Variants in MRRF observed in about 807,000 individuals in gnomAD.
MRRF encodes the protein ribosome-recycling factor, mitochondrial.
Under a neutral mutation model 25.1 loss-of-function variants are expected in MRRF, and 18 were observed. The observed-to-expected ratio is 0.72, with a 90% CI of 0.50 to 1.06. The LOEUF is 1.06. MRRF is among the 50% of genes least tolerant of loss of function. The pLI is 0.00. For missense variants in MRRF, 323 were observed against 319.3 expected (o/e 1.01, Z -0.09); for synonymous variants, 113 against 112.1 (o/e 1.01, Z -0.05).
intron 2 of MRRF, among the ~76,000 whole-genome samples, chr9:122,275,467 T>C (rs1315026351): frequency 2.0e-5 from 3 of 151,918 alleles, no homozygotes; most frequent in Non-Finnish European, 4.4e-5. Context: ...ACCTCTTCTC[T>C]ACAAAAAAAA....
chr9:122,285,398 C>T (rs1833334195), intron 4 of MRRF, 111 bp downstream of exon 4: 2 of 807,124 alleles, frequency 2.5e-6, no homozygotes, highest in East Asian at 4.9e-5. Context: ...AGAGAGAAGA[C>T]ATAATAAAGA....
At position 122,280,574 on chromosome 9, in the gene MRRF, A is replaced by T. The variant is rs2118686703; in HGVS notation, c.316A>T (p.Thr106Ser). 2 of 1,613,862 alleles carry T rather than the reference A, an allele frequency of 1.2e-6. No individual in the cohort carries two copies. Among genetic ancestry groups the T allele is most frequent in the East Asian group, 4.5e-5 (2 of 44,860 alleles). Residue 106 changes from threonine to serine, a missense_variant, in exon 3 of 7, where the codon ACT becomes TCT. Transcript: ENST00000344641. Reference protein sequence around the residue: ...IEALKDNFNKTLNIRTSPGSL... With the variant: ...IEALKDNFNKSLNIRTSPGSL... ...AGCTCTCAAGGATAATTTCAATAAG[A>T]CTCTCAATATAAGGACCTCACCAGG...
rs1383227710 is a variant in MRRF at position 122,325,165 on chromosome 9, A to G, written c.*2548A>G. Reference sequence around the variant, plus strand: ...GTAGTCTTTAAATAAACAAAAACTTATTTGGTGAACAGACAGGGAGGAAAA... The same window carrying G: ...GTAGTCTTTAAATAAACAAAAACTTGTTTGGTGAACAGACAGGGAGGAAAA... On this transcript the variant is annotated 3_prime_UTR_variant, in exon 7 of 7. Transcript: ENST00000344641. 4 of 152,196 alleles carry G rather than the reference A, an allele frequency of 2.6e-5. No homozygotes were observed. Among genetic ancestry groups the G allele is most frequent in the African/African-American group, 4.8e-5 (2 of 41,444 alleles). The allele number at this position is 152,196 out of a possible 1,614,324, so 9.4% of individuals were successfully genotyped here.
intron 5 of MRRF, among the ~76,000 whole-genome samples, chr9:122,299,207 A>C (rs1834281511): frequency 2.0e-5 from 3 of 151,654 alleles, no homozygotes. Context: ...CCTGGTCAAC[A>C]TGGTGAAACC....
chr9:122,327,244 G>C lies in MRRF; in HGVS notation c.*4627G>C, dbSNP rs1436245735. On this transcript the variant is annotated 3_prime_UTR_variant, in exon 7 of 7. Coordinates refer to ENST00000344641, the MANE Select transcript of MRRF (RefSeq NM_138777.5). ...AGAGAGCAAGCAAAATGTTCACCAA[G>C]CAGTGAATAATGATAATAATAACAA... 1 of 152,148 alleles carries C rather than the reference G, an allele frequency of 6.6e-6. No homozygotes were observed. The highest frequency in any genetic ancestry group is 1.9e-4 in the East Asian group (1 of 5,204). The allele number at this position is 152,148 out of a possible 1,614,324, so 9.4% of individuals were successfully genotyped here.
At chr9:122,302,921 C>T (rs73557031) in intron 5 of MRRF, among the ~76,000 whole-genome samples, 4,193 of 152,174 alleles carry the variant, frequency 0.028, 174 homozygotes, top group African/African-American at 0.09. Flanking sequence ...TATCTTATTA[C>T]GGTTTTGATT....
chr9:122,287,484 C>T (rs768418720), intron 4 of MRRF, among the ~76,000 whole-genome samples: 2 of 152,196 alleles, frequency 1.3e-5, no homozygotes, highest in Admixed American at 6.5e-5. Flanking sequence ...CATCTAATCC[C>T]GTAGGCACTG....
intron 4 of MRRF, among the ~76,000 whole-genome samples, chr9:122,288,128 G>A (rs1478555058): frequency 1.3e-5 from 2 of 152,018 alleles, no homozygotes; most frequent in Non-Finnish European, 2.9e-5. Flanking sequence ...CTTGATAAAT[G>A]ATACACATAG....
At chr9:122,320,711 AC>A in intron 6 of MRRF, among the ~76,000 whole-genome samples, 1 of 152,018 alleles carries the variant, frequency 6.6e-6, no homozygotes, top group East Asian at 1.9e-4. Context: ...GAGCCTGGCC[AC>A]CTCCCTGCCT....
At chr9:122,286,295 A>G (rs766453142) in intron 4 of MRRF, 1 of 943,930 alleles carries the variant, frequency 1.1e-6, no homozygotes, top group Non-Finnish European at 1.4e-6. Flanking sequence ...CTTGCTGTGA[A>G]CACACTGTTT....
rs1836256170 is a variant in MRRF at position 122,330,449 on chromosome 9, CT to C, written c.*7833del. The stretch of plus-strand genomic sequence containing the variant: ...AAGTCCCTGCTATTCTCTTCCTTTC[CT>C]GGCTCAGGCCTTGATCCAAATAGCT... On this transcript the variant is annotated 3_prime_UTR_variant, in exon 7 of 7. Transcript: ENST00000344641. This position sits in a 1 kb window ranked among gnomAD's most constrained non-coding sequence, Gnocchi z 4.2. 1 of 152,276 alleles carries C rather than the reference CT, an allele frequency of 6.6e-6. No homozygotes were observed. The highest frequency in any genetic ancestry group is 6.5e-5 in the Admixed American group (1 of 15,282). The allele number at this position is 152,276 out of a possible 1,614,324, so 9.4% of individuals were successfully genotyped here.
At chr9:122,277,844 G>A (rs866564564) in intron 2 of MRRF, among the ~76,000 whole-genome samples, 2 of 152,118 alleles carry the variant, frequency 1.3e-5, no homozygotes, top group African/African-American at 4.8e-5. Flanking sequence ...GAGCCACCAC[G>A]CCTGGCCTTA....
At chr9:122,288,617 T>TAAA (rs1833559286) in intron 4 of MRRF, among the ~76,000 whole-genome samples, 1 of 152,340 alleles carries the variant, frequency 6.6e-6, no homozygotes, top group East Asian at 1.9e-4. Flanking sequence ...AATTCACTGA[T>TAAA]TATTAAGACA....
At chr9:122,287,632 C>T (rs908253363) in intron 4 of MRRF, among the ~76,000 whole-genome samples, 4 of 152,328 alleles carry the variant, frequency 2.6e-5, no homozygotes, top group East Asian at 1.9e-4. Context: ...GCCACCAGAG[C>T]ATCTTATGAA....
At chr9:122,320,462 G>C (rs997234396) in intron 6 of MRRF, among the ~76,000 whole-genome samples, 2 of 152,144 alleles carry the variant, frequency 1.3e-5, no homozygotes, top group African/African-American at 4.8e-5. Flanking sequence ...GAGGCTTTTA[G>C]CCATCATTCC....
chr9:122,303,443 G>A (rs1156980032), intron 5 of MRRF, among the ~76,000 whole-genome samples: 1 of 151,942 alleles, frequency 6.6e-6, no homozygotes, highest in East Asian at 1.9e-4. Flanking sequence ...GAGTACAGTG[G>A]CACAATCACA....
intron 6 of MRRF, among the ~76,000 whole-genome samples, chr9:122,319,580 T>C (rs536944188): frequency 1.9e-4 from 28 of 148,766 alleles, no homozygotes; most frequent in African/African-American, 6.8e-4. Flanking sequence ...GATAAAACAC[T>C]TTTGCATTCC....
At chr9:122,279,813 G>T (rs774657489) in intron 2 of MRRF, among the ~76,000 whole-genome samples, 3 of 152,152 alleles carry the variant, frequency 2.0e-5, no homozygotes, top group Non-Finnish European at 4.4e-5. Context: ...CAGATATTGT[G>T]TGCATATCCT....
chr9:122,280,782 TAAATG>T (rs1314700054), intron 3 of MRRF, among the ~76,000 whole-genome samples, 184 bp downstream of exon 3: 1 of 152,210 alleles, frequency 6.6e-6, no homozygotes, highest in African/African-American at 2.4e-5. Context: ...GTAGTTAAAA[TAAATG>T]AGGTAACGTA....
Sources: gnomAD v4.1 joint callset for allele counts (sites outside exome capture counted in the v4.1 genomes callset) on GRCh38, gnomAD v4.1.1 for gene constraint, Gnocchi (gnomAD v3.1) non-coding constraint, MANE v1.5 for transcripts, NCBI Gene and HGNC (gene_info 2026-07-23, HGNC 2026-07-21) for gene names.